GFM1: variants seen among roughly 807,000 people sequenced by gnomAD.
The protein encoded by GFM1 is G elongation factor mitochondrial 1.
A neutral mutation model predicts 96.2 loss-of-function variants in GFM1; 62 were observed. The observed-to-expected ratio is 0.64, with a 90% CI of 0.53 to 0.80. The LOEUF (loss-of-function observed/expected upper bound fraction) is 0.80. GFM1 is among the 30% of genes least tolerant of loss of function. The pLI is 0.00. For missense variants in GFM1, 852 were observed against 916.6 expected, an observed-to-expected ratio of 0.93 and a Z score of 0.91; for synonymous variants, 282 against 312.9, an observed-to-expected ratio of 0.90 and a Z score of 1.04.
At chr3:158,669,814 A>C in intron 13 of GFM1, among the ~76,000 whole-genome samples, 1 of 152,214 alleles carries the variant, frequency 6.6e-6, no homozygotes, top group East Asian at 1.9e-4. Flanking sequence ...TAGATAACTT[A>C]CTTTATAAAT....
intron 12 of GFM1, among the ~76,000 whole-genome samples, chr3:158,666,037 A>G (rs1175196559): frequency 1.3e-5 from 2 of 152,248 alleles, no homozygotes; most frequent in East Asian, 3.8e-4. Flanking sequence ...ATGTAATAAT[A>G]TTCAACAATG....
chr3:158,646,344 A>G (rs767953284), intron 3 of GFM1, 47 bp downstream of exon 3: 1 of 1,605,112 alleles, frequency 6.2e-7, no homozygotes. Context: ...GCAAAAGCAC[A>G]TTTGGTTCTT....
Position 158,649,096 on chromosome 3 carries a change from A to C in GFM1, c.628A>C (p.Asn210His). 1 of 1,580,184 alleles carries C rather than the reference A, an allele frequency of 6.3e-7. No individual in the cohort carries two copies. Among genetic ancestry groups the C allele is most frequent in the South Asian group, 1.1e-5 (1 of 90,318 alleles). The stretch of plus-strand genomic sequence containing the variant: ...GCAGATACCCATGGGTTTGGAGGGT[A>C]ATTTTAAAGGTATTGTAGATCTTAT... The part of the protein sequence containing the change: ...FMQIPMGLEG[N>H]FKGIVDLIEE... The change falls in exon 5 of 18, where the codon AAT (asparagine) becomes CAT (histidine). Residue 210 changes from asparagine (N) to histidine (H), a missense_variant. Asn to His is a moderately conservative substitution (Grantham distance 68). Transcript: ENST00000486715.
At position 158,659,162 on chromosome 3, in the gene GFM1, A is replaced by G. The variant is rs560792709; in HGVS notation, c.1221+103A>G. 6.2e-6 allele frequency: 8 copies of G among 1,291,208 alleles called. No individual in the cohort carries two copies. In the East Asian group the frequency reaches 7.1e-5, roughly 11 times the overall value. 80.0% of individuals were successfully genotyped at this position (1,291,208 alleles called of 1,614,324 possible). A position where few individuals can be genotyped will look rare whatever the true frequency, so the allele number is the denominator to read the frequency against. ...ACTAGAAAATTAATTCTGGTTAAAT[A>G]TATGTTTCTAGTTTCTTTCTACTTA... is the stretch of plus-strand genomic sequence containing the variant. On this transcript the variant is annotated intron_variant, in intron 9 of 17. Transcript: ENST00000486715.
chr3:158,684,502 A>G (rs1402030918), intron 14 of GFM1, 22 bp from the exon 15 acceptor site: 2 of 1,613,692 alleles, frequency 1.2e-6, no homozygotes, highest in Non-Finnish European at 1.7e-6. Context: ...TCACTCCAGA[A>G]GTTGTGTTCA....
chr3:158,674,396 A>AC (rs1724687940), intron 13 of GFM1, among the ~76,000 whole-genome samples: 1 of 151,974 alleles, frequency 6.6e-6, no homozygotes, highest in South Asian at 2.1e-4. Flanking sequence ...TTAAACCCTG[A>AC]CCCACCCATG....
At chr3:158,652,043 C>G in intron 5 of GFM1, 53 bp from the exon 6 acceptor site, 1 of 1,464,540 alleles carries the variant, frequency 6.8e-7, no homozygotes, top group Non-Finnish European at 9.6e-7. Flanking sequence ...TTCATTAGTC[C>G]TTCATATATT....
chr3:158,653,125 G>A (rs1456951006), intron 6 of GFM1, among the ~76,000 whole-genome samples, 185 bp from the exon 7 acceptor site: 1 of 152,106 alleles, frequency 6.6e-6, no homozygotes, highest in African/African-American at 2.4e-5. Flanking sequence ...CAGCCCTGAA[G>A]AAGAAAGTGA....
intron 13 of GFM1, among the ~76,000 whole-genome samples, chr3:158,675,634 G>A (rs1264523408): frequency 6.6e-6 from 1 of 152,016 alleles, no homozygotes; most frequent in Non-Finnish European, 1.5e-5. Context: ...ATAAAATGGT[G>A]TTTAAATAAA....
At position 158,646,729 on chromosome 3, in the gene GFM1, T is replaced by C. The variant is rs1278260482; in HGVS notation, c.368-14T>C. ...ATTGCTCTTTAAGACCCTCTCATACTTCATCTTATTCAGGGCATGTGGACT... is the reference window on the plus strand; with the variant it reads ...ATTGCTCTTTAAGACCCTCTCATACCTCATCTTATTCAGGGCATGTGGACT... On this transcript the variant is annotated splice_polypyrimidine_tract_variant and intron_variant, in intron 3 of 17. Transcript: ENST00000486715. 1.2e-6 allele frequency: 2 copies of C among 1,608,410 alleles called. No homozygotes were observed. Among genetic ancestry groups the C allele is most frequent in the Non-Finnish European group, 1.7e-6 (2 of 1,176,848 alleles).
In GFM1 at chr3:158,677,624, C is replaced by A. The variant is rs1348466132; in HGVS notation, c.1602-4371C>A. ...GGTTCAAGCAGTTTTCCTGCCTCAG[C>A]CTCCCAGGTAGCTGGGATTACAGGC... On this transcript the variant is annotated intron_variant, in intron 13 of 17. Transcript: ENST00000486715. Among the ~76,000 whole-genome samples, 3 of 152,192 alleles carry A rather than the reference C, an allele frequency of 2.0e-5. No homozygotes were observed. In the East Asian group the frequency reaches 5.8e-4, roughly 29 times the overall value.
chr3:158,679,753 C>T (rs1725207517), intron 13 of GFM1, among the ~76,000 whole-genome samples: 1 of 152,152 alleles, frequency 6.6e-6, no homozygotes, highest in African/African-American at 2.4e-5. Flanking sequence ...TGGCTGAGTA[C>T]ATTCTGATAA....
intron 15 of GFM1, among the ~76,000 whole-genome samples, chr3:158,686,225 G>T (rs1725822721): frequency 6.8e-6 from 1 of 147,002 alleles, no homozygotes; most frequent in Non-Finnish European, 1.5e-5. Flanking sequence ...AAGTATATAT[G>T]CATATATATG....
chr3:158,692,911 T>A lies in GFM1; in HGVS notation c.*1444T>A, dbSNP rs1326845502. On this transcript the variant is annotated 3_prime_UTR_variant, in exon 18 of 18. Coordinates refer to ENST00000486715, the MANE Select transcript of GFM1 (RefSeq NM_024996.7). ...TTTTGCCATATTGCCCAGGCTGGTC[T>A]CAAACTCCTGGGCTCAAGCTCTCTG... Among the ~76,000 whole-genome samples, 1 of 152,104 alleles carries A rather than the reference T, an allele frequency of 6.6e-6. No individual in the cohort carries two copies. Among genetic ancestry groups the A allele is most frequent in the Non-Finnish European group, 1.5e-5 (1 of 68,032 alleles).
chr3:158,666,136 G>C (rs1287220405), intron 12 of GFM1, among the ~76,000 whole-genome samples, 168 bp from the exon 13 acceptor site: 4 of 152,132 alleles, frequency 2.6e-5, no homozygotes, highest in African/African-American at 9.7e-5. Context: ...TGTAAAAGCA[G>C]TTTGTATTAA....
intron 13 of GFM1, among the ~76,000 whole-genome samples, chr3:158,670,172 G>T (rs758399696): frequency 3.3e-5 from 5 of 152,162 alleles, no homozygotes; most frequent in Admixed American, 6.5e-5. Flanking sequence ...GATGGCTGTG[G>T]TACAGATTGC....
chr3:158,667,886 TGTACA>T (rs1157864069), intron 13 of GFM1, among the ~76,000 whole-genome samples: 1 of 152,192 alleles, frequency 6.6e-6, no homozygotes, highest in Non-Finnish European at 1.5e-5. Flanking sequence ...TTTTCTGTAC[TGTACA>T]GTAGAGGGAA....
At chr3:158,658,157 CTTTTTTTTTT>C (rs397842738) in intron 8 of GFM1, among the ~76,000 whole-genome samples, 2 of 97,358 alleles carry the variant, frequency 2.1e-5, no homozygotes, top group African/African-American at 4.5e-5. Flanking sequence ...TCACAGAACT[CTTTTTTTTTT>C]TTTTTTTTTT....
At chr3:158,660,754 C>G in intron 9 of GFM1, 120 bp from the exon 10 acceptor site, 1 of 807,012 alleles carries the variant, frequency 1.2e-6, no homozygotes, top group Non-Finnish European at 2.1e-6. Context: ...AGAATTCAAG[C>G]AGAGAGATTC....
Sources: gnomAD v4.1 joint callset for allele counts (sites outside exome capture counted in the v4.1 genomes callset) on GRCh38, gnomAD v4.1.1 for gene constraint, MANE v1.5 for transcripts, NCBI Gene and HGNC (gene_info 2026-07-23, HGNC 2026-07-21) for gene names.